The following PTPRD variants were observed in gnomAD, a reference collection of about 807,000 sequenced individuals.
The protein encoded by PTPRD is receptor-type tyrosine-protein phosphatase delta.
Under a neutral mutation model 214.5 loss-of-function variants are expected in PTPRD, and 34 were observed. The observed-to-expected ratio is 0.16, with a 90% CI of 0.12 to 0.21. PTPRD has a LOEUF of 0.21. PTPRD is among the 10% of genes least tolerant of loss of function. The pLI is 1.00. For missense variants in PTPRD, 2,545 were observed against 2,398.7 expected (o/e 1.06, Z -1.27); for synonymous variants, 1,128 against 845.7 (o/e 1.33, Z -5.79).
intron 34 of PTPRD, among the ~76,000 whole-genome samples, chr9:8,448,192 G>A (rs117495472): frequency 0.042 from 6,340 of 152,092 alleles, 169 homozygotes; most frequent in Middle Eastern, 0.085. Flanking sequence ...TCTGGATGTG[G>A]TGGCGTGCCC....
chr9:9,453,253 T>C (rs2092516043), intron 8 of PTPRD, among the ~76,000 whole-genome samples: 1 of 151,688 alleles, frequency 6.6e-6, no homozygotes, highest in Admixed American at 6.6e-5. Context: ...TGTAGTTACA[T>C]GCTTAACCTC....
chr9:8,779,712 G>A (rs1394923602), intron 11 of PTPRD, among the ~76,000 whole-genome samples: 1 of 152,062 alleles, frequency 6.6e-6, no homozygotes, highest in Non-Finnish European at 1.5e-5. Flanking sequence ...GCCTCAGGCT[G>A]GCGTTCCACA....
chr9:10,226,370 C>A (rs2099588932), intron 3 of PTPRD, among the ~76,000 whole-genome samples: 1 of 151,966 alleles, frequency 6.6e-6, no homozygotes, highest in Non-Finnish European at 1.5e-5. Flanking sequence ...GAATATAGTC[C>A]TCCCTCCAGT....
chr9:9,371,701 T>C (rs1287887348), intron 9 of PTPRD, among the ~76,000 whole-genome samples: 1 of 152,192 alleles, frequency 6.6e-6, no homozygotes, highest in Non-Finnish European at 1.5e-5. Flanking sequence ...TTAATTGCGA[T>C]GTTAGGGTGT....
intron 3 of PTPRD, among the ~76,000 whole-genome samples, chr9:10,167,299 C>T (rs1212528188): frequency 6.6e-6 from 1 of 151,874 alleles, no homozygotes; most frequent in Non-Finnish European, 1.5e-5. Flanking sequence ...AAAGCTGGTG[C>T]TGGAGATTTT....
chr9:9,917,576 C>T (rs190914010), intron 5 of PTPRD, among the ~76,000 whole-genome samples: 1 of 151,508 alleles, frequency 6.6e-6, no homozygotes, highest in African/African-American at 2.4e-5. Context: ...GTATTCCTCC[C>T]AAATTATTTG....
intron 9 of PTPRD, among the ~76,000 whole-genome samples, chr9:9,312,267 A>G (rs1202370773): frequency 6.6e-6 from 1 of 152,216 alleles, no homozygotes; most frequent in Non-Finnish European, 1.5e-5. Context: ...ATATTGAAGC[A>G]TCTGGGATTG....
rs774565105 is a variant in PTPRD at position 8,849,301 on chromosome 9, G to C, written c.-103-115355C>G. On this transcript the variant is annotated intron_variant, in intron 11 of 45. Transcript: ENST00000381196. ...TGCCATTCTCCTGCCTCAGTCTCCCGAGTAGCTGGGACTATAGGCAAGTGC... is the reference window on the plus strand; with the variant it reads ...TGCCATTCTCCTGCCTCAGTCTCCCCAGTAGCTGGGACTATAGGCAAGTGC... Among the ~76,000 whole-genome samples, 4 of 150,288 alleles carry C rather than the reference G, an allele frequency of 2.7e-5. No individual in the cohort carries two copies. In the East Asian group the frequency reaches 8.0e-4, roughly 30 times the overall value.
chr9:10,489,060 T>C (rs1269610232), intron 2 of PTPRD, among the ~76,000 whole-genome samples: 1 of 152,164 alleles, frequency 6.6e-6, no homozygotes, highest in Non-Finnish European at 1.5e-5. Context: ...GCTGGGAACG[T>C]GCTGAGCCTC....
chr9:9,069,919 A>AC (rs1209614374), intron 10 of PTPRD, among the ~76,000 whole-genome samples: 1 of 152,206 alleles, frequency 6.6e-6, no homozygotes, highest in East Asian at 1.9e-4. Flanking sequence ...TTATTTCACC[A>AC]GTGGAGAAAA....
chr9:9,924,138 A>G (rs1471684025), intron 5 of PTPRD, among the ~76,000 whole-genome samples: 1 of 152,100 alleles, frequency 6.6e-6, no homozygotes, highest in Non-Finnish European at 1.5e-5. Flanking sequence ...TGATTTCACC[A>G]GAAACAACAC....
chr9:9,330,580 CATCTTTA>C (rs1443683134), intron 9 of PTPRD, among the ~76,000 whole-genome samples: 2 of 152,002 alleles, frequency 1.3e-5, no homozygotes, highest in African/African-American at 2.4e-5. Context: ...CTGTTCAGTA[CATCTTTA>C]ATCTTTAATT....
At chr9:9,352,717 A>C (rs565949697) in intron 9 of PTPRD, among the ~76,000 whole-genome samples, 45 of 152,124 alleles carry the variant, frequency 3.0e-4, no homozygotes, top group African/African-American at 1.1e-3. Flanking sequence ...TTATGTCTAC[A>C]TAGTTCACAT....
At chr9:8,582,654 A>G (rs1251600888) in intron 14 of PTPRD, among the ~76,000 whole-genome samples, 1 of 152,212 alleles carries the variant, frequency 6.6e-6, no homozygotes. Flanking sequence ...ACTAGGCACC[A>G]GTGGGGGGAA....
At chr9:8,333,520 C>T (rs1246800192) in intron 43 of PTPRD, among the ~76,000 whole-genome samples, 1 of 152,090 alleles carries the variant, frequency 6.6e-6, no homozygotes, top group African/African-American at 2.4e-5. Context: ...ATTATGTCAC[C>T]ACCAGGCCTG....
chr9:8,857,470 A>T (rs983174577), intron 11 of PTPRD, among the ~76,000 whole-genome samples: 1 of 152,172 alleles, frequency 6.6e-6, no homozygotes, highest in African/African-American at 2.4e-5. Context: ...GAGGAGGTCC[A>T]GAGGAGCAAA....
chr9:9,136,642 T>A lies in PTPRD; in HGVS notation c.-143+46662A>T, dbSNP rs75716780. ...AAACAAATAGTCCAATGGTTAAAAATTTTTCAACTGCAGTGTTTCCATGTA... is the reference window on the plus strand; with the variant it reads ...AAACAAATAGTCCAATGGTTAAAAAATTTTCAACTGCAGTGTTTCCATGTA... On this transcript the variant is annotated intron_variant, in intron 10 of 45. Transcript: ENST00000381196. 5.3e-5 allele frequency among the ~76,000 whole-genome samples: 8 copies of A among 152,286 alleles called. No individual in the cohort carries two copies. In the East Asian group the frequency reaches 1.4e-3, roughly 26 times the overall value.
At chr9:10,543,479 T>TATAC (rs1555502598) in intron 2 of PTPRD, among the ~76,000 whole-genome samples, 21 of 145,192 alleles carry the variant, frequency 1.4e-4, no homozygotes, top group Admixed American at 3.5e-4. Flanking sequence ...TATATATATA[T>TATAC]ACACACACAC....
intron 2 of PTPRD, among the ~76,000 whole-genome samples, chr9:10,341,733 G>A (rs2096942910): frequency 6.6e-6 from 1 of 151,954 alleles, no homozygotes; most frequent in African/African-American, 2.4e-5. Flanking sequence ...TCTGTAAAAT[G>A]AAAATAGCAA....
Sources: gnomAD v4.1 joint callset for allele counts (sites outside exome capture counted in the v4.1 genomes callset) on GRCh38, gnomAD v4.1.1 for gene constraint, MANE v1.5 for transcripts, NCBI Gene and HGNC (gene_info 2026-07-23, HGNC 2026-07-21) for gene names.